The following GPM6A variants were observed in gnomAD, a reference collection of about 807,000 sequenced individuals.
GPM6A encodes the protein glycoprotein M6A, also known as neuronal membrane glycoprotein M6-a.
Under a neutral mutation model 32.1 loss-of-function variants are expected in GPM6A, and 7 were observed. The observed-to-expected ratio is 0.22, with a 90% CI of 0.12 to 0.41. The LOEUF is 0.41. GPM6A is among the 10% of genes least tolerant of loss of function. GPM6A has a pLI of 1.00. For synonymous variants in GPM6A, 130 were observed against 123.4 expected (o/e 1.05, Z -0.35); for missense variants, 235 against 347.2 (o/e 0.68, Z 2.57).
intron 1 of GPM6A, among the ~76,000 whole-genome samples, chr4:175,845,297 A>G (rs1736054154): frequency 6.6e-6 from 1 of 152,100 alleles, no homozygotes; most frequent in Non-Finnish European, 1.5e-5. Context: ...ACAAGTTGCC[A>G]TAGTAGACAA....
upstream of GPM6A, among the ~76,000 whole-genome samples, chr4:175,816,781 A>C (rs1735113156): frequency 6.6e-6 from 1 of 152,258 alleles, no homozygotes; most frequent in South Asian, 2.1e-4. Flanking sequence ...ATATTTTGAC[A>C]GAGAAAAAGG....
At chr4:175,812,960 C>A (rs1038656435), upstream of GPM6A, 5 of 985,200 alleles carry the variant, frequency 5.1e-6, no homozygotes, top group Non-Finnish European at 6.0e-6. Flanking sequence ...TAATCCCACA[C>A]CTTTGAGATT....
At chr4:175,994,693 G>A (rs1348912636) in intron 1 of GPM6A, among the ~76,000 whole-genome samples, 1 of 152,000 alleles carries the variant, frequency 6.6e-6, no homozygotes, top group Non-Finnish European at 1.5e-5. Context: ...AAGGTGGTTG[G>A]GCAATTTCTT....
intron 1 of GPM6A, among the ~76,000 whole-genome samples, chr4:175,844,139 T>C (rs939613515): frequency 2.0e-5 from 3 of 152,214 alleles, no homozygotes; most frequent in South Asian, 2.1e-4. Context: ...GCCTAATCTC[T>C]CTTCACTATG....
chr4:175,673,649 A>G (rs1743203233), intron 3 of GPM6A, 31 bp downstream of exon 3: 2 of 1,535,964 alleles, frequency 1.3e-6, no homozygotes, highest in African/African-American at 1.4e-5. Flanking sequence ...ATCAATCCAC[A>G]TTAAATACTG....
intron 1 of GPM6A, among the ~76,000 whole-genome samples, chr4:175,837,009 T>A (rs1050247093): frequency 6.6e-6 from 1 of 152,132 alleles, no homozygotes; most frequent in Non-Finnish European, 1.5e-5. Flanking sequence ...GATCCTGATA[T>A]GGGAGGATTA....
intron 1 of GPM6A, among the ~76,000 whole-genome samples, chr4:175,995,597 TA>T (rs773745101): frequency 1.3e-5 from 2 of 152,062 alleles, no homozygotes; most frequent in Non-Finnish European, 2.9e-5. Context: ...GATTACATGT[TA>T]AAATTGCAGG....
At chr4:175,740,724 T>C (rs1459896770) in intron 1 of GPM6A, among the ~76,000 whole-genome samples, 1 of 152,128 alleles carries the variant, frequency 6.6e-6, no homozygotes, top group Non-Finnish European at 1.5e-5. Flanking sequence ...TTACCTCTTT[T>C]AGTTTTTAGA....
At chr4:175,980,343 T>C (rs1740784066) in intron 1 of GPM6A, among the ~76,000 whole-genome samples, 1 of 152,078 alleles carries the variant, frequency 6.6e-6, no homozygotes, top group South Asian at 2.1e-4. Context: ...GGCAACAGAG[T>C]GAGACCCTGT....
At chr4:175,742,879 G>A (rs1433179371) in intron 1 of GPM6A, among the ~76,000 whole-genome samples, 2 of 152,056 alleles carry the variant, frequency 1.3e-5, no homozygotes, top group Non-Finnish European at 2.9e-5. Context: ...AGGCATGGTG[G>A]CTCATGCCTG....
intron 1 of GPM6A, among the ~76,000 whole-genome samples, chr4:175,949,883 C>A (rs983536428): frequency 3.9e-5 from 6 of 152,048 alleles, no homozygotes; most frequent in Admixed American, 2.0e-4. Flanking sequence ...ATTCATGAAA[C>A]CAAATAGAAA....
At chr4:175,780,808 A>G (rs866973329) in intron 1 of GPM6A, among the ~76,000 whole-genome samples, 2 of 152,156 alleles carry the variant, frequency 1.3e-5, no homozygotes, top group Non-Finnish European at 2.9e-5. Context: ...TATCTCCAAA[A>G]TAAGTGAATT....
intron 4 of GPM6A, among the ~76,000 whole-genome samples, chr4:175,651,289 T>C (rs1741787890): frequency 6.6e-6 from 1 of 152,168 alleles, no homozygotes. Context: ...TCCATATACA[T>C]ATGAGTATTA....
chr4:175,647,343 C>T (rs1383913842), intron 4 of GPM6A, among the ~76,000 whole-genome samples: 1 of 152,118 alleles, frequency 6.6e-6, no homozygotes, highest in Non-Finnish European at 1.5e-5. Flanking sequence ...TCTAATACAT[C>T]CAATGTAATT....
rs138457031 is a variant in GPM6A, at chr4:175,900,134, G to A, written c.-22-87885C>T. Among the ~76,000 whole-genome samples the A allele has an allele frequency of 7.7e-3, 1,176 of 151,916 alleles. 23 individuals are homozygous for A. The highest frequency in any genetic ancestry group is 0.043 in the Admixed American group (660 of 15,234). ...AAAAATACAAAAAAGTTAGTCAGGC[G>A]TGGTGGTGGGCACCTGTAATCCCAG... On this transcript the variant is annotated intron_variant, in intron 1 of 7. Coordinates refer to the GPM6A transcript ENST00000280187.
chr4:175,704,353 GC>G (rs896266885), intron 1 of GPM6A, among the ~76,000 whole-genome samples: 3 of 151,038 alleles, frequency 2.0e-5, no homozygotes, highest in African/African-American at 7.3e-5. Context: ...ACGTGTGCAC[GC>G]CCCCCCACCC....
intron 1 of GPM6A, among the ~76,000 whole-genome samples, chr4:175,924,712 C>T (rs550854600): frequency 5.5e-4 from 83 of 152,106 alleles, no homozygotes; most frequent in African/African-American, 1.9e-3. Context: ...TGGTGACCCA[C>T]GCCTGTAATT....
chr4:175,979,287 T>G (rs1740753054), intron 1 of GPM6A, among the ~76,000 whole-genome samples: 1 of 146,566 alleles, frequency 6.8e-6, no homozygotes, highest in South Asian at 2.2e-4. Flanking sequence ...CCATACTGCC[T>G]GAAAGGTTAT....
At chr4:175,903,571 G>A (rs990446602) in intron 1 of GPM6A, among the ~76,000 whole-genome samples, 4 of 152,092 alleles carry the variant, frequency 2.6e-5, no homozygotes, top group Admixed American at 2.6e-4. Flanking sequence ...GCAATTTTAG[G>A]ACAAACAACA....
Sources: allele counts gnomAD v4.1 joint callset (sites outside exome capture counted in the v4.1 genomes callset), GRCh38; gene constraint gnomAD v4.1.1; transcripts MANE v1.5; gene names NCBI Gene and HGNC (gene_info 2026-07-23, HGNC 2026-07-21).